Variants in NXPH2 observed in about 807,000 individuals in gnomAD.
NXPH2 encodes the protein neurexophilin-2.
Under a neutral mutation model 19.8 loss-of-function variants are expected in NXPH2, and 5 were observed. The ratio of observed to expected loss-of-function variants is 0.25; its 90% confidence interval spans 0.13 to 0.53. The LOEUF (loss-of-function observed/expected upper bound fraction) is 0.53. NXPH2 is among the 20% of genes least tolerant of loss of function. NXPH2 has a pLI of 0.96. For synonymous variants in NXPH2, 154 were observed against 127.4 expected (o/e 1.21, Z -1.41); for missense variants, 289 against 322.8 (o/e 0.90, Z 0.80).
At chr2:138,697,009 A>C (rs1018917545) in intron 1 of NXPH2, among the ~76,000 whole-genome samples, 7 of 152,134 alleles carry the variant, frequency 4.6e-5, no homozygotes, top group Non-Finnish European at 8.8e-5. Flanking sequence ...ATTAAATAGT[A>C]CTCAGAATAA....
chr2:138,761,433 C>A (rs960766175), intron 1 of NXPH2, among the ~76,000 whole-genome samples: 3 of 152,138 alleles, frequency 2.0e-5, no homozygotes, highest in Non-Finnish European at 4.4e-5. Context: ...TGCATCAGAG[C>A]TTTTCAATGT....
rs992755656 is a variant in NXPH2 at position 138,755,542 on chromosome 2, C to CT, written c.51+24648dup. Among the ~76,000 whole-genome samples, 25 of 151,994 alleles carry CT rather than the reference C, an allele frequency of 1.6e-4. 1 individual carries two copies. Among genetic ancestry groups the CT allele is most frequent in the African/African-American group, 5.8e-4 (24 of 41,478 alleles). On this transcript the variant is annotated intron_variant, in intron 1 of 1. Coordinates refer to ENST00000272641, the MANE Select transcript of NXPH2 (RefSeq NM_007226.3). ...CCATTGATCTATGTGTCTATATTTG[C>CT]TTTTTTTAACCAATACCATGGTGTA...
At chr2:138,728,066 C>G (rs1681385532) in intron 1 of NXPH2, among the ~76,000 whole-genome samples, 1 of 152,098 alleles carries the variant, frequency 6.6e-6, no homozygotes, top group Non-Finnish European at 1.5e-5. Flanking sequence ...AAGCCCTTGC[C>G]TTCAATGTGA....
At chr2:138,687,365 C>T (rs570712740) in intron 1 of NXPH2, among the ~76,000 whole-genome samples, 27 of 152,294 alleles carry the variant, frequency 1.8e-4, no homozygotes, top group African/African-American at 5.8e-4. Flanking sequence ...TGAGAAGTGT[C>T]TGTTCATATA....
chr2:138,744,558 A>T lies in NXPH2; in HGVS notation c.51+35633T>A, dbSNP rs187900660. 2.8e-4 allele frequency among the ~76,000 whole-genome samples: 42 copies of T among 152,246 alleles called. No homozygotes were observed. In the East Asian group the frequency reaches 8.1e-3, roughly 29 times the overall value. On this transcript the variant is annotated intron_variant, in intron 1 of 1. Transcript: ENST00000272641. ...ACTGGGTAGGTGTCTATCTGATCCC[A>T]GCCTCCCTACAGTTACTGATGCGTT...
At chr2:138,704,311 C>T (rs13394696) in intron 1 of NXPH2, among the ~76,000 whole-genome samples, 26,610 of 152,166 alleles carry the variant, frequency 0.17, 4,944 homozygotes, top group African/African-American at 0.47. Context: ...CTCTGTAAGC[C>T]AGGGGCTGGT....
rs1269822012 is a variant in NXPH2 at position 138,669,318 on chromosome 2, A to G, written c.*1604T>C. The stretch of plus-strand genomic sequence containing the variant: ...CTTGTTTCTAGGTGAAAATAAAAAG[A>G]TGTTTCAAAATATTAATCACCAACC... On this transcript the variant is annotated 3_prime_UTR_variant, in exon 2 of 2. Transcript: ENST00000272641. Among the ~76,000 whole-genome samples the G allele has an allele frequency of 2.6e-5, 4 of 152,186 alleles. No individual in the cohort carries two copies. The highest frequency in any genetic ancestry group is 7.2e-5 in the African/African-American group (3 of 41,458).
chr2:138,691,947 G>A (rs1456798378), intron 1 of NXPH2, among the ~76,000 whole-genome samples: 4 of 152,154 alleles, frequency 2.6e-5, no homozygotes, highest in Non-Finnish European at 5.9e-5. Context: ...AATGGTTGTG[G>A]CTTTAAGACA....
intron 1 of NXPH2, among the ~76,000 whole-genome samples, chr2:138,769,182 A>T (rs1573984256): frequency 6.6e-6 from 1 of 152,210 alleles, no homozygotes; most frequent in South Asian, 2.1e-4. Flanking sequence ...GGGATGAATT[A>T]AAAAGGCTCA....
At chr2:138,764,599 CA>C (rs1682064567) in intron 1 of NXPH2, among the ~76,000 whole-genome samples, 1 of 152,058 alleles carries the variant, frequency 6.6e-6, no homozygotes, top group African/African-American at 2.4e-5. Context: ...CAAATATTTT[CA>C]AAAAATGTTC....
intron 1 of NXPH2, among the ~76,000 whole-genome samples, chr2:138,720,392 G>A (rs1321783169): frequency 6.6e-6 from 1 of 152,208 alleles, no homozygotes; most frequent in Non-Finnish European, 1.5e-5. Flanking sequence ...ATTATAAACT[G>A]AACAAACAAA....
intron 1 of NXPH2, among the ~76,000 whole-genome samples, chr2:138,725,003 T>G (rs1292873771): frequency 6.6e-6 from 1 of 152,194 alleles, no homozygotes; most frequent in Non-Finnish European, 1.5e-5. Context: ...TCCACAATTA[T>G]GGACAACTCA....
chr2:138,753,221 GGT>G (rs1681851362), intron 1 of NXPH2, among the ~76,000 whole-genome samples: 1 of 152,024 alleles, frequency 6.6e-6, no homozygotes, highest in African/African-American at 2.4e-5. Flanking sequence ...TTATACTTTG[GGT>G]TATAATCTAA....
Position 138,780,182 on chromosome 2 carries a change from G to A in NXPH2, c.51+9C>T. On this transcript the variant is annotated intron_variant, in intron 1 of 1. Transcript: ENST00000272641. ...GGCGTGTGGGACGGCGCGCGGGCCG[G>A]GCACTCACCAGCTGCAGCAAGCCAG... 1 of 1,490,676 alleles carries A rather than the reference G, an allele frequency of 6.7e-7. No individual in the cohort carries two copies. The highest frequency in any genetic ancestry group is 1.3e-5 in the South Asian group (1 of 79,320). The allele number at this position is 1,490,676 out of a possible 1,614,324, so 92.3% of individuals were successfully genotyped here. A position where few individuals can be genotyped will look rare whatever the true frequency, so the allele number is the denominator to read the frequency against.
intron 1 of NXPH2, among the ~76,000 whole-genome samples, chr2:138,690,108 T>C (rs1333593588): frequency 1.3e-5 from 2 of 152,164 alleles, no homozygotes; most frequent in Admixed American, 1.3e-4. Flanking sequence ...CCTGCAAACG[T>C]TTTCTACTCC....
intron 1 of NXPH2, among the ~76,000 whole-genome samples, chr2:138,674,348 C>T (rs910166445): frequency 1.3e-5 from 2 of 151,802 alleles, no homozygotes; most frequent in African/African-American, 4.8e-5. Flanking sequence ...GAGACAGGGT[C>T]TCACCATGTT....
At chr2:138,705,316 A>C (rs992415351) in intron 1 of NXPH2, among the ~76,000 whole-genome samples, 14 of 152,092 alleles carry the variant, frequency 9.2e-5, no homozygotes, top group Non-Finnish European at 1.5e-4. Context: ...TCTTGATTTG[A>C]TATATGGAAT....
chr2:138,709,438 C>A (rs1411818505), intron 1 of NXPH2, among the ~76,000 whole-genome samples: 1 of 151,616 alleles, frequency 6.6e-6, no homozygotes, highest in East Asian at 1.9e-4. Flanking sequence ...TCCCATATAC[C>A]CCTGCCCCCC....
At chr2:138,747,106 G>C (rs1681748965) in intron 1 of NXPH2, among the ~76,000 whole-genome samples, 1 of 152,102 alleles carries the variant, frequency 6.6e-6, no homozygotes, top group South Asian at 2.1e-4. Flanking sequence ...TTCTCCTATT[G>C]ATGGACGTTT....
Sources: allele counts gnomAD v4.1 joint callset (sites outside exome capture counted in the v4.1 genomes callset), GRCh38; gene constraint gnomAD v4.1.1; transcripts MANE v1.5; gene names NCBI Gene and HGNC (gene_info 2026-07-23, HGNC 2026-07-21).